Variants in ANKS1B observed in about 807,000 individuals in gnomAD.
ANKS1B encodes ankyrin repeat and sterile alpha motif domain containing 1B.
ANKS1B carries 36 observed loss-of-function variants against 148.3 expected under a neutral mutation model. The observed-to-expected ratio is 0.24, with a 90% confidence interval of 0.19 to 0.32. The LOEUF (loss-of-function observed/expected upper bound fraction) is 0.32, where lower values mean the gene tolerates loss of function less well. Ranked by LOEUF, ANKS1B falls within the 10% of genes least tolerant of loss-of-function variation. The pLI is 1.00. For missense variants in ANKS1B, 1,157 were observed against 1,542.6 expected (o/e 0.75, Z 4.19); for synonymous variants, 542 against 560.8 (o/e 0.97, Z 0.47).
At chr12:98,894,768 T>C in intron 17 of ANKS1B, 11 of 985,090 alleles carry the variant, frequency 1.1e-5, no homozygotes, top group Non-Finnish European at 1.3e-5. Flanking sequence ...CCCCAGCGAA[T>C]GCGAGCGGCG....
chr12:99,339,130 T>C (rs943189090), intron 12 of ANKS1B, among the ~76,000 whole-genome samples: 2 of 152,120 alleles, frequency 1.3e-5, no homozygotes, highest in South Asian at 2.1e-4. Flanking sequence ...GCATAGACCA[T>C]CTTTCAAGTT....
At chr12:99,520,647 T>C (rs2096866110) in intron 9 of ANKS1B, among the ~76,000 whole-genome samples, 1 of 152,176 alleles carries the variant, frequency 6.6e-6, no homozygotes, top group Admixed American at 6.5e-5. Flanking sequence ...TATTATCCCT[T>C]TGAATAAACT....
Position 98,829,220 on chromosome 12 carries a change from T to C in ANKS1B, c.3020A>G (p.Tyr1007Cys). 1 of 1,614,054 alleles carries C rather than the reference T, an allele frequency of 6.2e-7. No homozygotes were observed. Among genetic ancestry groups the C allele is most frequent in the Non-Finnish European group, 8.5e-7 (1 of 1,179,890 alleles). ...TTTTGATCGGGGAATATCATCAAAGTAGTTTTCATTTCTTCTCCTCCTTGC... is the reference window on the plus strand; with the variant it reads ...TTTTGATCGGGGAATATCATCAAAGCAGTTTTCATTTCTTCTCCTCCTTGC... The part of the protein sequence containing the change: ...GDARRRRNEN[Y>C]FDDIPRSKLE... The change falls in exon 19 of 27, where the codon TAC becomes TGC. Residue 1007 changes from tyrosine (Y) to cysteine (C), a missense_variant. Transcript: ENST00000683438. The surrounding 1 kb of genome is among the most constrained non-coding windows in gnomAD (Gnocchi z 5.2).
At chr12:99,640,224 G>T (rs892207883) in intron 9 of ANKS1B, among the ~76,000 whole-genome samples, 1 of 151,746 alleles carries the variant, frequency 6.6e-6, no homozygotes, top group Non-Finnish European at 1.5e-5. Context: ...AGACAAAAAC[G>T]ATCATACAAA....
intron 13 of ANKS1B, among the ~76,000 whole-genome samples, chr12:99,244,939 C>T (rs978451990): frequency 2.0e-5 from 3 of 152,204 alleles, no homozygotes; most frequent in Admixed American, 1.3e-4. Context: ...ACTGCAACCT[C>T]CGCCGCCCAG....
At chr12:98,877,404 T>C (rs1006610698) in intron 17 of ANKS1B, among the ~76,000 whole-genome samples, 3 of 152,206 alleles carry the variant, frequency 2.0e-5, no homozygotes, top group African/African-American at 7.2e-5. Flanking sequence ...TTATTTTGAA[T>C]GAACTTGAAG....
intron 8 of ANKS1B, among the ~76,000 whole-genome samples, chr12:99,759,540 GAC>G (rs1201293860): frequency 3.3e-5 from 5 of 151,942 alleles, no homozygotes; most frequent in African/African-American, 1.2e-4. Context: ...CATTTCCTCG[GAC>G]ACAGAGTTAA....
intron 12 of ANKS1B, among the ~76,000 whole-genome samples, chr12:99,330,488 A>T (rs2087295122): frequency 6.6e-6 from 1 of 152,000 alleles, no homozygotes; most frequent in Admixed American, 6.6e-5. Flanking sequence ...CAGCTCTGAA[A>T]TTCGACAACT....
intron 17 of ANKS1B, among the ~76,000 whole-genome samples, chr12:98,985,976 C>T (rs1007096513): frequency 3.3e-5 from 5 of 152,104 alleles, no homozygotes; most frequent in Non-Finnish European, 5.9e-5. Flanking sequence ...TTTCCTTCAG[C>T]TCTGAGATAT....
At chr12:99,008,695 CA>C (rs1225424570) in intron 17 of ANKS1B, among the ~76,000 whole-genome samples, 11 of 152,024 alleles carry the variant, frequency 7.2e-5, no homozygotes, top group Non-Finnish European at 1.6e-4. Flanking sequence ...ATCCTCGTTA[CA>C]AATTGTTATG....
intron 1 of ANKS1B, among the ~76,000 whole-genome samples, chr12:99,837,223 A>C (rs559629900): frequency 6.6e-6 from 1 of 152,236 alleles, no homozygotes; most frequent in East Asian, 1.9e-4. Context: ...AAAGGCAAGA[A>C]AACAGATTTT....
At chr12:99,915,497 C>A (rs2094145940) in intron 1 of ANKS1B, among the ~76,000 whole-genome samples, 1 of 152,042 alleles carries the variant, frequency 6.6e-6, no homozygotes. Context: ...TAAGTAGGTC[C>A]TAAAACACTA....
At chr12:99,603,025 A>G (rs4986691) in intron 9 of ANKS1B, among the ~76,000 whole-genome samples, 37,143 of 151,896 alleles carry the variant, frequency 0.24, 4,922 homozygotes, top group Admixed American at 0.3. Context: ...GATTATTTAC[A>G]TAAATCCAGC....
intron 17 of ANKS1B, among the ~76,000 whole-genome samples, chr12:98,918,505 T>A (rs752551912): frequency 1.2e-4 from 19 of 152,220 alleles, no homozygotes; most frequent in Admixed American, 3.3e-4. Flanking sequence ...TAATGTTAGA[T>A]CATTCTCATT....
intron 12 of ANKS1B, among the ~76,000 whole-genome samples, chr12:99,263,532 T>C (rs1355672669): frequency 6.6e-6 from 1 of 152,144 alleles, no homozygotes; most frequent in African/African-American, 2.4e-5. Context: ...AACTGAAGTA[T>C]ATCTTTGAGC....
chr12:99,218,481 G>C (rs548046502), intron 14 of ANKS1B, among the ~76,000 whole-genome samples: 1 of 152,284 alleles, frequency 6.6e-6, no homozygotes, highest in South Asian at 2.1e-4. Flanking sequence ...TCAGAAACAA[G>C]GAGGCAAGCT....
intron 9 of ANKS1B, among the ~76,000 whole-genome samples, chr12:99,509,125 T>A (rs1052183245): frequency 6.6e-6 from 1 of 151,860 alleles, no homozygotes; most frequent in African/African-American, 2.4e-5. Flanking sequence ...AAGTGTAGTA[T>A]GTGTTCTGAC....
At chr12:99,853,092 C>T (rs1363182435) in intron 1 of ANKS1B, among the ~76,000 whole-genome samples, 3 of 152,232 alleles carry the variant, frequency 2.0e-5, no homozygotes, top group Non-Finnish European at 2.9e-5. Context: ...AGCTCATACA[C>T]GCCTATATCT....
intron 11 of ANKS1B, among the ~76,000 whole-genome samples, chr12:99,419,555 C>A (rs2095021272): frequency 6.6e-6 from 1 of 152,060 alleles, no homozygotes; most frequent in Non-Finnish European, 1.5e-5. Context: ...AAGATATGTT[C>A]CTAGCAGCCA....
Sources: gnomAD v4.1 joint callset for allele counts (sites outside exome capture counted in the v4.1 genomes callset) on GRCh38, gnomAD v4.1.1 for gene constraint, Gnocchi (gnomAD v3.1) non-coding constraint, MANE v1.5 for transcripts, NCBI Gene and HGNC (gene_info 2026-07-23, HGNC 2026-07-21) for gene names.